Variants in RABGAP1L observed in about 807,000 individuals in gnomAD.
RABGAP1L encodes the protein rab GTPase-activating protein 1-like.
RABGAP1L carries 63 observed loss-of-function variants against 137.7 expected under a neutral mutation model. That is an observed-to-expected ratio of 0.46 (90% CI 0.37 to 0.56). The LOEUF (loss-of-function observed/expected upper bound fraction) is 0.56. Ranked by LOEUF, RABGAP1L falls within the 20% of genes least tolerant of loss-of-function variation. The pLI is 0.00. For missense variants in RABGAP1L, 1,095 were observed against 1,244.0 expected, an observed-to-expected ratio of 0.88 and a Z score of 1.80; for synonymous variants, 431 against 433.7, an observed-to-expected ratio of 0.99 and a Z score of 0.08.
Position 174,448,485 on chromosome 1 carries a change from A to G in RABGAP1L, c.1710+54340A>G. 1 of 1,613,886 alleles carries G rather than the reference A, an allele frequency of 6.2e-7. No individual in the cohort carries two copies. Among genetic ancestry groups the G allele is most frequent in the Admixed American group, 1.7e-5 (1 of 60,002 alleles). On this transcript the variant is annotated intron_variant, in intron 13 of 25. Transcript: ENST00000681986. This position sits in a 1 kb window ranked among gnomAD's most constrained non-coding sequence, Gnocchi z 4.2. ...TTTGGATATATCATCTCAGTTCTAA[A>G]AAGTGTTTCTATGGCATGTCTTGCT...
intron 1 of RABGAP1L, among the ~76,000 whole-genome samples, chr1:174,214,844 A>G (rs1669163492): frequency 1.3e-5 from 2 of 152,294 alleles, no homozygotes; most frequent in South Asian, 2.1e-4. Context: ...AAATTAAAAT[A>G]CATTGAAGAC....
chr1:174,234,021 GA>G (rs1319155814), intron 4 of RABGAP1L, among the ~76,000 whole-genome samples: 1 of 137,700 alleles, frequency 7.3e-6, no homozygotes, highest in African/African-American at 3.3e-5. Context: ...GGCCAGTGAT[GA>G]TGAGCATTTT....
At chr1:174,586,793 A>G (rs998479920) in intron 13 of RABGAP1L, among the ~76,000 whole-genome samples, 9 of 151,986 alleles carry the variant, frequency 5.9e-5, no homozygotes, top group Non-Finnish European at 2.9e-5. Context: ...ACAGGGTTTC[A>G]CCGTGTTGGT....
At chr1:174,223,186 TGA>T (rs1233248796) in intron 3 of RABGAP1L, among the ~76,000 whole-genome samples, 1 of 142,544 alleles carries the variant, frequency 7.0e-6, no homozygotes, top group Non-Finnish European at 1.5e-5. Flanking sequence ...GAGAATCGCT[TGA>T]ACCTGGGAGG....
At chr1:174,686,054 C>T in intron 15 of RABGAP1L, among the ~76,000 whole-genome samples, 1 of 152,102 alleles carries the variant, frequency 6.6e-6, no homozygotes, top group South Asian at 2.1e-4. Flanking sequence ...GAACAGCAAA[C>T]ATTTGAAGGG....
chr1:174,841,244 A>G lies in RABGAP1L; in HGVS notation c.2340+29284A>G, dbSNP rs184983743. 3.7e-3 allele frequency among the ~76,000 whole-genome samples: 564 copies of G among 152,304 alleles called. 4 individuals are homozygous for G. The highest frequency in any genetic ancestry group is 6.0e-3 in the Non-Finnish European group (408 of 68,016). On this transcript the variant is annotated intron_variant, in intron 19 of 25. Transcript: ENST00000681986. ...AAAAATAGACCATAAAGAAAATTTCAAAGAATTTCAAAAGGCAAAGTAAAT... is the reference window on the plus strand; with the variant it reads ...AAAAATAGACCATAAAGAAAATTTCGAAGAATTTCAAAAGGCAAAGTAAAT...
chr1:174,927,473 T>A (rs1179809322), intron 19 of RABGAP1L, among the ~76,000 whole-genome samples: 1 of 152,176 alleles, frequency 6.6e-6, no homozygotes, highest in Admixed American at 6.5e-5. Flanking sequence ...CATGCAGTCC[T>A]CCTGCCTTGG....
At chr1:174,336,884 T>A (rs6700584) in intron 11 of RABGAP1L, among the ~76,000 whole-genome samples, 16,356 of 96,358 alleles carry the variant, frequency 0.17, 1,099 homozygotes, top group East Asian at 0.43. Flanking sequence ...TGTGTGTGTG[T>A]GAGAGAGAGA....
intron 19 of RABGAP1L, among the ~76,000 whole-genome samples, chr1:174,940,787 A>G (rs571483156): frequency 4.4e-4 from 67 of 152,336 alleles, no homozygotes; most frequent in Non-Finnish European, 6.5e-4. Context: ...AAAAACTTTT[A>G]TTATTTTAGG....
intron 1 of RABGAP1L, among the ~76,000 whole-genome samples, chr1:174,194,199 T>A (rs537349227): frequency 2.0e-5 from 3 of 151,982 alleles, no homozygotes; most frequent in African/African-American, 7.2e-5. Flanking sequence ...ATGGTGGTGG[T>A]GGTGGAGAAT....
chr1:174,464,040 T>A (rs549314009), intron 13 of RABGAP1L, among the ~76,000 whole-genome samples: 1 of 152,316 alleles, frequency 6.6e-6, no homozygotes, highest in African/African-American at 2.4e-5. Flanking sequence ...TATGATTATT[T>A]GATAGCATTT....
chr1:174,232,056 C>A (rs1307366695), intron 4 of RABGAP1L, among the ~76,000 whole-genome samples: 2 of 152,134 alleles, frequency 1.3e-5, no homozygotes, highest in Admixed American at 1.3e-4. Context: ...GCATAAAAAT[C>A]TGCCTTCAGC....
At position 174,769,561 on chromosome 1, in the gene RABGAP1L, G is replaced by A. The variant is rs372957738; in HGVS notation, c.2211+17207G>A. On this transcript the variant is annotated intron_variant, in intron 18 of 25. Transcript: ENST00000681986. ...GGTCTCTCATTAGCTTTACAAGGTC[G>A]GTTGAGTTTTGGGGAAAGGCTATTA... Among the ~76,000 whole-genome samples the A allele has an allele frequency of 4.1e-4, 63 of 152,192 alleles. No individual in the cohort carries two copies. The Middle Eastern group carries it at 0.01, about 25-fold the overall frequency.
chr1:174,533,159 G>A (rs369691132), intron 13 of RABGAP1L, among the ~76,000 whole-genome samples: 161 of 152,250 alleles, frequency 1.1e-3, no homozygotes, highest in African/African-American at 3.4e-3. Context: ...GCTTGAACCC[G>A]GGAGGCAGAG....
In RABGAP1L at chr1:174,826,548, G is replaced by A. The variant is rs115963617; in HGVS notation, c.2340+14588G>A. ...CCACATTTTCTTTATCCAGTCCACC[G>A]TTGATAGGCACCTGCTTGATTCTAA... On this transcript the variant is annotated intron_variant, in intron 19 of 25. Transcript: ENST00000681986. Among the ~76,000 whole-genome samples the A allele has an allele frequency of 9.5e-3, 1,443 of 152,222 alleles. 24 individuals are homozygous for A. The highest frequency in any genetic ancestry group is 0.033 in the African/African-American group (1,384 of 41,534).
intron 13 of RABGAP1L, among the ~76,000 whole-genome samples, chr1:174,603,707 C>T (rs1451532501): frequency 6.6e-6 from 1 of 151,900 alleles, no homozygotes; most frequent in Admixed American, 6.6e-5. Flanking sequence ...TCACCCAAAG[C>T]CCACAGCAAC....
At chr1:174,437,737 C>T (rs1302591517) in intron 13 of RABGAP1L, among the ~76,000 whole-genome samples, 5 of 152,008 alleles carry the variant, frequency 3.3e-5, no homozygotes, top group East Asian at 1.9e-4. Context: ...AGATACTCCT[C>T]GAGAAGAGCA....
At chr1:174,211,275 G>C (rs1214987151) in intron 1 of RABGAP1L, among the ~76,000 whole-genome samples, 1 of 151,988 alleles carries the variant, frequency 6.6e-6, no homozygotes, top group Non-Finnish European at 1.5e-5. Context: ...AATAATAACT[G>C]CAACAACTTT....
chr1:174,838,362 A>T (rs1357501889), intron 19 of RABGAP1L, among the ~76,000 whole-genome samples: 4 of 152,146 alleles, frequency 2.6e-5, no homozygotes, highest in African/African-American at 9.7e-5. Flanking sequence ...CCTCTTGCTA[A>T]GGATACCAAC....
Sources: allele counts gnomAD v4.1 joint callset (sites outside exome capture counted in the v4.1 genomes callset), GRCh38; gene constraint gnomAD v4.1.1; non-coding constraint Gnocchi (gnomAD v3.1); transcripts MANE v1.5; gene names NCBI Gene and HGNC (gene_info 2026-07-23, HGNC 2026-07-21).